Variants in PEBP1 observed in about 807,000 individuals in gnomAD.
PEBP1 encodes phosphatidylethanolamine binding protein 1.
A neutral mutation model predicts 22.7 loss-of-function variants in PEBP1; 17 were observed. The observed-to-expected ratio is 0.75, with a 90% confidence interval of 0.51 to 1.12. The LOEUF (loss-of-function observed/expected upper bound fraction) is 1.12, where lower values mean the gene tolerates loss of function less well. PEBP1 is among the 50% of genes most tolerant of loss of function. The pLI, the probability that PEBP1 is intolerant of heterozygous loss-of-function variation, is 0.00. For synonymous variants in PEBP1, 106 were observed against 104.3 expected (o/e 1.02, Z -0.10); for missense variants, 205 against 243.5 (o/e 0.84, Z 1.05).
chr12:118,143,504 C>A (rs1026894482), intron 3 of PEBP1, among the ~76,000 whole-genome samples: 2 of 152,208 alleles, frequency 1.3e-5, no homozygotes, highest in Non-Finnish European at 2.9e-5. Flanking sequence ...ATCATCTTTT[C>A]ATCCATCAGT....
chr12:118,139,001 G>C (rs1331148380), intron 2 of PEBP1: 1 of 169,558 alleles, frequency 5.9e-6, no homozygotes, highest in East Asian at 1.8e-4. Context: ...AACACATGAG[G>C]TTCGTGCTGG....
chr12:118,138,222 C>A, intron 2 of PEBP1, 74 bp downstream of exon 2: 1 of 1,015,274 alleles, frequency 9.8e-7, no homozygotes, highest in Non-Finnish European at 1.5e-6. Flanking sequence ...TTGCTGGACA[C>A]AGAGAAGTAG....
At chr12:118,140,872 A>T (rs542789062) in intron 3 of PEBP1, among the ~76,000 whole-genome samples, 1 of 151,978 alleles carries the variant, frequency 6.6e-6, no homozygotes, top group Admixed American at 6.6e-5. Flanking sequence ...AGCCTCAGTA[A>T]CTCATTTTCT....
At chr12:118,142,100 A>C (rs533691832) in intron 3 of PEBP1, among the ~76,000 whole-genome samples, 197 of 152,254 alleles carry the variant, frequency 1.3e-3, no homozygotes, top group Non-Finnish European at 2.2e-3. Context: ...CACAAAGACA[A>C]ATACCGTACA....
chr12:118,136,234 T>C lies in PEBP1; in HGVS notation c.25T>C (p.Ser9Pro). 6.5e-7 allele frequency: 1 copy of C among 1,546,778 alleles called. No individual in the cohort carries two copies. Among genetic ancestry groups the C allele is most frequent in the Non-Finnish European group, 8.7e-7 (1 of 1,146,550 alleles). MPVDLSKWSGPLSLQEVDE... is the reference protein window; with the variant it reads MPVDLSKWPGPLSLQEVDE... ...CATGCCGGTGGACCTCAGCAAGTGG[T>C]CCGGGCCCTTGAGCCTGCAAGAAGT... Residue 9 changes from serine (S) to proline (P), a missense_variant, in exon 1 of 4, where the codon TCC becomes CCC. By Grantham distance (74) the Ser-to-Pro change is moderately conservative. Coordinates refer to ENST00000261313, the MANE Select transcript of PEBP1 (RefSeq NM_002567.4). The surrounding 1 kb of genome is among the most constrained non-coding windows in gnomAD (Gnocchi z 5.6).
Position 118,136,168 on chromosome 12 carries a change from C to T in PEBP1, c.-42C>T. The T allele has an allele frequency of 1.3e-6, 2 of 1,538,056 alleles. No homozygotes were observed. Among genetic ancestry groups the T allele is most frequent in the Non-Finnish European group, 1.7e-6 (2 of 1,145,458 alleles). Reference sequence around the variant, plus strand: ...GTCGCCTCTGTCGCCCGCGCCTGGCCTACCGCGGCACTCCCGGCTGCACGC... The same window carrying T: ...GTCGCCTCTGTCGCCCGCGCCTGGCTTACCGCGGCACTCCCGGCTGCACGC... On this transcript the variant is annotated 5_prime_UTR_variant, in exon 1 of 4. Coordinates refer to ENST00000261313, the MANE Select transcript of PEBP1 (RefSeq NM_002567.4). This position sits in a 1 kb window ranked among gnomAD's most constrained non-coding sequence, Gnocchi z 5.6.
chr12:118,144,876 A>G lies in PEBP1; in HGVS notation c.*73A>G. 6.2e-7 allele frequency: 1 copy of G among 1,606,140 alleles called. No individual in the cohort carries two copies. Among genetic ancestry groups the G allele is most frequent in the Non-Finnish European group, 8.5e-7 (1 of 1,179,258 alleles). On this transcript the variant is annotated 3_prime_UTR_variant, in exon 4 of 4. Transcript: ENST00000261313. ...TCCCCAGTTCAGTGTTGCATGTATA[A>G]TAGATTTCTCCTCTTCCTGCCCCCC... is the stretch of plus-strand genomic sequence containing the variant.
Position 118,145,047 on chromosome 12 carries a change from G to A in PEBP1, c.*244G>A. 1 of 1,439,254 alleles carries A rather than the reference G, an allele frequency of 6.9e-7. No homozygotes were observed. The highest frequency in any genetic ancestry group is 9.3e-7 in the Non-Finnish European group (1 of 1,081,018). 89.2% of individuals were successfully genotyped at this position (1,439,254 alleles called of 1,614,324 possible). A position where few individuals can be genotyped will look rare whatever the true frequency, so the allele number is the denominator to read the frequency against. On this transcript the variant is annotated 3_prime_UTR_variant, in exon 4 of 4. Coordinates refer to ENST00000261313, the MANE Select transcript of PEBP1 (RefSeq NM_002567.4). The stretch of plus-strand genomic sequence containing the variant: ...TTGGGGGGTATTTTGGTACTGTGAT[G>A]GGGTCATCAAATTATTAATCTGAAA...
chr12:118,138,639 G>A (rs7959376), intron 2 of PEBP1, among the ~76,000 whole-genome samples: 1 of 151,878 alleles, frequency 6.6e-6, no homozygotes, highest in South Asian at 2.1e-4. Context: ...CAGGTGATCT[G>A]CCCGCCTCAG....
chr12:118,141,116 T>G (rs1018990703), intron 3 of PEBP1, among the ~76,000 whole-genome samples: 2 of 151,422 alleles, frequency 1.3e-5, no homozygotes, highest in African/African-American at 4.9e-5. Context: ...TCACTTTCAC[T>G]ATTCTTTTTT....
intron 2 of PEBP1, 102 bp downstream of exon 2, chr12:118,138,250 C>G: frequency 1.3e-6 from 1 of 780,172 alleles, no homozygotes; most frequent in South Asian, 1.5e-5. Context: ...TTGGGATGCC[C>G]CCACCCATGC....
chr12:118,141,037 C>T (rs995429112), intron 3 of PEBP1, among the ~76,000 whole-genome samples: 21 of 152,100 alleles, frequency 1.4e-4, no homozygotes, highest in East Asian at 3.9e-4. Context: ...CGCCCAACGA[C>T]ATTCTCATGT....
Position 118,138,109 on chromosome 12 carries a change from C to G in PEBP1, c.206C>G (p.Thr69Arg), listed in dbSNP as rs775605065. The G allele has an allele frequency of 3.1e-6, 5 of 1,613,776 alleles. No homozygotes were observed. The highest frequency in any genetic ancestry group is 3.3e-5 in the Admixed American group (2 of 59,986). The stretch of plus-strand genomic sequence containing the variant: ...GGGAAGCTCTACACCTTGGTCCTGA[C>G]AGACCCGGATGCTCCCAGCAGGAAG... ...DSGKLYTLVL[T>R]DPDAPSRKDP... is the part of the protein sequence containing the mutation. Residue 69 changes from threonine to arginine, a missense_variant, in exon 2 of 4, where the codon ACA (threonine) becomes AGA (arginine). Physicochemically the swap from Thr to Arg is moderately conservative, Grantham distance 71. Transcript: ENST00000261313.
At position 118,144,694 on chromosome 12, in the gene PEBP1, C is replaced by T. The variant is rs891994948; in HGVS notation, c.455C>T (p.Ala152Val). ...GACCACCGTGGCAAATTCAAGGTGG[C>T]GTCCTTCCGTAAAAAGTATGAGCTC... ...SGDHRGKFKV[A>V]SFRKKYELRA... Residue 152 changes from alanine (A) to valine (V), a missense_variant, in exon 4 of 4, where the codon GCG (alanine) becomes GTG (valine). Transcript: ENST00000261313. The T allele has an allele frequency of 1.2e-5, 19 of 1,613,976 alleles. No homozygotes were observed. Among genetic ancestry groups the T allele is most frequent in the South Asian group, 5.5e-5 (5 of 91,088 alleles).
rs1469747638 is a variant in PEBP1, at chr12:118,145,462, A to C, written c.*659A>C. 1 of 158,028 alleles carries C rather than the reference A, an allele frequency of 6.3e-6. No individual in the cohort carries two copies. The highest frequency in any genetic ancestry group is 2.4e-5 in the African/African-American group (1 of 41,444). 9.8% of individuals were successfully genotyped at this position (158,028 alleles called of 1,614,324 possible). On this transcript the variant is annotated 3_prime_UTR_variant, in exon 4 of 4. Transcript: ENST00000261313. ...CGCTGACAGCTTGGGAGGAAACCTG[A>C]GATCTGTGTTTTTTAAATTGATCGT...
chr12:118,141,343 C>T (rs1325031081), intron 3 of PEBP1, among the ~76,000 whole-genome samples: 1 of 152,184 alleles, frequency 6.6e-6, no homozygotes, highest in East Asian at 1.9e-4. Flanking sequence ...TCTCGAACTT[C>T]TGACCTTGTG....
At chr12:118,139,248 C>A in intron 2 of PEBP1, 1 of 426,866 alleles carries the variant, frequency 2.3e-6, no homozygotes, top group Non-Finnish European at 4.4e-6. Flanking sequence ...GGAGGAGGAG[C>A]TTGCAGTGAG....
At chr12:118,142,901 A>T (rs2034126761) in intron 3 of PEBP1, among the ~76,000 whole-genome samples, 1 of 131,780 alleles carries the variant, frequency 7.6e-6, no homozygotes, top group Non-Finnish European at 1.5e-5. Context: ...GCACAGTGGC[A>T]CGTTTTCAGC....
Position 118,136,148 on chromosome 12 carries a change from C to T in PEBP1, c.-62C>T, listed in dbSNP as rs1452978494. On this transcript the variant is annotated 5_prime_UTR_variant, in exon 1 of 4. Coordinates refer to ENST00000261313, the MANE Select transcript of PEBP1 (RefSeq NM_002567.4). This position sits in a 1 kb window ranked among gnomAD's most constrained non-coding sequence, Gnocchi z 5.6. Reference sequence around the variant, plus strand: ...CAGTGTGCTGAGCTCTCCGCGTCGCCTCTGTCGCCCGCGCCTGGCCTACCG... The same window carrying T: ...CAGTGTGCTGAGCTCTCCGCGTCGCTTCTGTCGCCCGCGCCTGGCCTACCG... 2 of 1,532,042 alleles carry T rather than the reference C, an allele frequency of 1.3e-6. No individual in the cohort carries two copies. The highest frequency in any genetic ancestry group is 1.4e-5 in the African/African-American group (1 of 72,314). The allele number at this position is 1,532,042 out of a possible 1,614,324, so 94.9% of individuals were successfully genotyped here.
Sources: gnomAD v4.1 joint callset for allele counts (sites outside exome capture counted in the v4.1 genomes callset) on GRCh38, gnomAD v4.1.1 for gene constraint, Gnocchi (gnomAD v3.1) non-coding constraint, MANE v1.5 for transcripts, NCBI Gene and HGNC (gene_info 2026-07-23, HGNC 2026-07-21) for gene names.